WDR76: variants seen among roughly 807,000 people sequenced by gnomAD.
The protein encoded by WDR76 is WD repeat domain 76.
WDR76 carries 52 observed loss-of-function variants against 70.2 expected under a neutral mutation model. The ratio of observed to expected loss-of-function variants is 0.74; its 90% CI spans 0.59 to 0.93. The LOEUF (loss-of-function observed/expected upper bound fraction) is 0.93. Ranked by LOEUF, WDR76 falls within the 40% of genes least tolerant of loss-of-function variation. The pLI is 0.00. For synonymous variants in WDR76, 292 were observed against 271.1 expected (o/e 1.08, Z -0.76); for missense variants, 756 against 760.2 (o/e 0.99, Z 0.07).
chr15:43,844,036 A>AG lies in WDR76; in HGVS notation c.1015dup (p.Val339GlyfsTer5). On this transcript the variant is annotated frameshift_variant, in exon 8 of 13. Coordinates refer to ENST00000263795, the MANE Select transcript of WDR76 (RefSeq NM_024908.4). LOFTEE classifies it high-confidence loss of function. ...TAGCAGTTGGGGCCAAATTTGGGCA[A>AG]GTTGGACTTTGTGATTTGGTAAGTT... The AG allele has an allele frequency of 1.9e-6, 3 of 1,611,898 alleles. No homozygotes were observed. The highest frequency in any genetic ancestry group is 2.5e-6 in the Non-Finnish European group (3 of 1,179,402).
Position 43,867,666 on chromosome 15 carries a change from T to C in WDR76, c.*1274T>C, listed in dbSNP as rs2140317095. ...CCCCAGGCTTACCTGTCCCGATCTTTAAACTGTCCGAAGGAAATTCAATAG... is the reference window on the plus strand; with the variant it reads ...CCCCAGGCTTACCTGTCCCGATCTTCAAACTGTCCGAAGGAAATTCAATAG... On this transcript the variant is annotated 3_prime_UTR_variant, in exon 13 of 13. Coordinates refer to ENST00000263795, the MANE Select transcript of WDR76 (RefSeq NM_024908.4). 1 of 152,196 alleles carries C rather than the reference T, an allele frequency of 6.6e-6. No individual in the cohort carries two copies. The highest frequency in any genetic ancestry group is 1.5e-5 in the Non-Finnish European group (1 of 67,990). The allele number at this position is 152,196 out of a possible 1,614,324, so 9.4% of individuals were successfully genotyped here.
chr15:43,844,608 C>T (rs1255294664), intron 8 of WDR76, among the ~76,000 whole-genome samples: 21 of 133,890 alleles, frequency 1.6e-4, no homozygotes, highest in African/African-American at 3.4e-4. Flanking sequence ...AGTAAGACTC[C>T]GTCTCAAAAA....
At chr15:43,854,083 A>G (rs927113770) in intron 9 of WDR76, among the ~76,000 whole-genome samples, 2 of 152,028 alleles carry the variant, frequency 1.3e-5, no homozygotes, top group African/African-American at 4.8e-5. Context: ...AAAAATTGAA[A>G]CCCTCATATT....
rs1425554548 is a variant in WDR76 at position 43,845,897 on chromosome 15, G to T, written c.1032+1843G>T. ...AATAGTGGTGACTTGAAGTTGGTTG[G>T]GGTTTATAAACAAAATTTGCAAGTT... is the stretch of plus-strand genomic sequence containing the variant. On this transcript the variant is annotated intron_variant, in intron 8 of 12. Coordinates refer to ENST00000263795, the MANE Select transcript of WDR76 (RefSeq NM_024908.4). Among the ~76,000 whole-genome samples, 18 of 150,116 alleles carry T rather than the reference G, an allele frequency of 1.2e-4. 1 individual carries two copies. Among genetic ancestry groups the T allele is most frequent in the Admixed American group, 1.1e-3 (17 of 15,086 alleles).
intron 5 of WDR76, 104 bp from the exon 6 acceptor site, chr15:43,842,311 T>C: frequency 1.1e-6 from 1 of 929,244 alleles, no homozygotes; most frequent in Non-Finnish European, 1.7e-6. Context: ...ACTGTTGATG[T>C]TGAAAGTGAA....
intron 9 of WDR76, among the ~76,000 whole-genome samples, chr15:43,854,609 A>G (rs1372751513): frequency 6.6e-6 from 1 of 152,110 alleles, no homozygotes; most frequent in Non-Finnish European, 1.5e-5. Flanking sequence ...TAGGTATATA[A>G]TTCTCTGAGT....
At chr15:43,839,369 G>C (rs542359238) in intron 4 of WDR76, among the ~76,000 whole-genome samples, 5 of 152,076 alleles carry the variant, frequency 3.3e-5, no homozygotes, top group Non-Finnish European at 7.4e-5. Flanking sequence ...TTATGGCTGC[G>C]TATTATTCTA....
intron 7 of WDR76, among the ~76,000 whole-genome samples, chr15:43,843,375 T>C (rs539420307): frequency 6.9e-4 from 105 of 152,352 alleles, no homozygotes; most frequent in African/African-American, 2.5e-3. Flanking sequence ...TTTAAAATTA[T>C]TGAATAATTA....
intron 2 of WDR76, among the ~76,000 whole-genome samples, chr15:43,833,926 C>T (rs190799293): frequency 2.6e-5 from 4 of 152,318 alleles, no homozygotes; most frequent in Non-Finnish European, 4.4e-5. Context: ...TGAGCCACCA[C>T]ACCCGGCCTG....
At chr15:43,846,029 C>T (rs2087784411) in intron 8 of WDR76, among the ~76,000 whole-genome samples, 1 of 149,486 alleles carries the variant, frequency 6.7e-6, no homozygotes, top group Non-Finnish European at 1.5e-5. Flanking sequence ...AAAACTGAAG[C>T]AAAAAAGTGG....
intron 5 of WDR76, among the ~76,000 whole-genome samples, chr15:43,841,114 G>A (rs1050959426): frequency 2.8e-4 from 43 of 151,048 alleles, no homozygotes; most frequent in African/African-American, 9.9e-4. Context: ...TCCGCCTCCC[G>A]GGTTCAAGTG....
At chr15:43,847,405 C>T (rs141746843) in intron 8 of WDR76, among the ~76,000 whole-genome samples, 1,601 of 151,476 alleles carry the variant, frequency 0.011, 25 homozygotes, top group African/African-American at 0.037. Context: ...GGATTATAGG[C>T]GCTCGCTGCC....
chr15:43,852,375 G>A (rs1040013133), intron 9 of WDR76, among the ~76,000 whole-genome samples: 11 of 151,198 alleles, frequency 7.3e-5, no homozygotes, highest in African/African-American at 2.7e-4. Flanking sequence ...TGTTGTCGTC[G>A]TTGTTGTTGT....
chr15:43,866,403 T>A lies in WDR76; in HGVS notation c.*11T>A, dbSNP rs374750773. On this transcript the variant is annotated 3_prime_UTR_variant, in exon 13 of 13. Coordinates refer to ENST00000263795, the MANE Select transcript of WDR76 (RefSeq NM_024908.4). Reference sequence around the variant, plus strand: ...GAAAAAAGCTGCTGAGTTTTTGGTTTAGGAACATCAATTTGTTCAAATTGA... The same window carrying A: ...GAAAAAAGCTGCTGAGTTTTTGGTTAAGGAACATCAATTTGTTCAAATTGA... The A allele has an allele frequency of 1.2e-6, 2 of 1,612,050 alleles. No homozygotes were observed. Among genetic ancestry groups the A allele is most frequent in the Admixed American group, 1.7e-5 (1 of 59,934 alleles).
chr15:43,844,864 C>G (rs1298765097), intron 8 of WDR76, among the ~76,000 whole-genome samples: 1 of 98,968 alleles, frequency 1.0e-5, no homozygotes, highest in Middle Eastern at 7.0e-3. Flanking sequence ...GGAGGGGGAG[C>G]TTGCAGTGAG....
At chr15:43,849,824 G>A (rs921198410) in intron 8 of WDR76, among the ~76,000 whole-genome samples, 4 of 152,100 alleles carry the variant, frequency 2.6e-5, no homozygotes, top group Non-Finnish European at 4.4e-5. Context: ...GTGAGCCACC[G>A]CGCCTGGCCT....
At chr15:43,854,983 C>G (rs1371356270) in intron 9 of WDR76, among the ~76,000 whole-genome samples, 4 of 151,970 alleles carry the variant, frequency 2.6e-5, no homozygotes, top group South Asian at 4.1e-4. Context: ...TTCCATTTCC[C>G]TCAAGATTAC....
At chr15:43,862,192 CTT>C (rs1033181812) in intron 12 of WDR76, among the ~76,000 whole-genome samples, 9 of 147,286 alleles carry the variant, frequency 6.1e-5, no homozygotes, top group Middle Eastern at 3.8e-3. Flanking sequence ...TGATATTCCT[CTT>C]TGTCACTATT....
chr15:43,835,288 G>A, intron 3 of WDR76, 138 bp downstream of exon 3: 1 of 618,450 alleles, frequency 1.6e-6, no homozygotes. Context: ...GTAACATACG[G>A]AGACCCGCCC....
Sources: allele counts gnomAD v4.1 joint callset (sites outside exome capture counted in the v4.1 genomes callset), GRCh38; gene constraint gnomAD v4.1.1; transcripts MANE v1.5; gene names NCBI Gene and HGNC (gene_info 2026-07-23, HGNC 2026-07-21).